VWA8: variants seen among roughly 807,000 people sequenced by gnomAD.
The protein encoded by VWA8 is von Willebrand factor A domain-containing protein 8.
In VWA8, 221 loss-of-function variants were observed where a neutral mutation model predicts 241.5. The ratio of observed to expected loss-of-function variants is 0.91; its 90% CI spans 0.82 to 1.02. The LOEUF (loss-of-function observed/expected upper bound fraction) is 1.02. Ranked by LOEUF, VWA8 falls within the 50% of genes least tolerant of loss-of-function variation. The probability of loss-of-function intolerance (pLI) is 0.00; values close to 1 mark genes in which losing one functional copy is unlikely to be tolerated. For missense variants in VWA8, 2,322 were observed against 2,328.7 expected, an observed-to-expected ratio of 1.00 and a Z score of 0.06; for synonymous variants, 852 against 827.1, an observed-to-expected ratio of 1.03 and a Z score of -0.52.
rs1323782437 is a variant in VWA8 at position 41,843,712 on chromosome 13, CTCTCT to C, written c.1426-10186_1426-10182del. Among the ~76,000 whole-genome samples, 279 of 152,258 alleles carry C rather than the reference CTCTCT, an allele frequency of 1.8e-3. 4 individuals are homozygous for C. Among genetic ancestry groups the C allele is most frequent in the Non-Finnish European group, 1.0e-3 (69 of 68,004 alleles). Reference sequence around the variant, plus strand: ...ATCAATCAATGCCTACTATGAACACCTCTCTGCACACAACTAGAAAATCTAGAGGA... The same window carrying C: ...ATCAATCAATGCCTACTATGAACACCGCACACAACTAGAAAATCTAGAGGA... On this transcript the variant is annotated intron_variant, in intron 12 of 44. Transcript: ENST00000379310.
In VWA8 at chr13:41,596,834, T is replaced by C. The variant is rs1005355892; in HGVS notation, c.4987-6069A>G. On this transcript the variant is annotated intron_variant, in intron 40 of 44. Coordinates refer to ENST00000379310, the MANE Select transcript of VWA8 (RefSeq NM_015058.2). Reference sequence around the variant, plus strand: ...ACACACACACACACACACACACACATCTGTAGCACTAAAGACAGAATAAAT... The same window carrying C: ...ACACACACACACACACACACACACACCTGTAGCACTAAAGACAGAATAAAT... 1.1e-3 allele frequency among the ~76,000 whole-genome samples: 147 copies of C among 132,912 alleles called. 1 individual carries two copies. In the East Asian group the frequency reaches 0.024, roughly 21 times the overall value. 87.2% of individuals were successfully genotyped at this position (132,912 alleles called of 152,430 possible). A position where few individuals can be genotyped will look rare whatever the true frequency, so the allele number is the denominator to read the frequency against.
chr13:41,959,979 T>G (rs1054042012), intron 1 of VWA8, among the ~76,000 whole-genome samples: 3 of 152,154 alleles, frequency 2.0e-5, no homozygotes, highest in African/African-American at 7.2e-5. Flanking sequence ...AAACCTACAA[T>G]TTCATAGTGA....
At chr13:41,915,721 G>C (rs966093141) in intron 2 of VWA8, among the ~76,000 whole-genome samples, 1 of 152,180 alleles carries the variant, frequency 6.6e-6, no homozygotes, top group Non-Finnish European at 1.5e-5. Context: ...GTCTGTAGGA[G>C]TTGTCAGGAT....
chr13:41,956,185 T>C (rs375987414), intron 1 of VWA8, among the ~76,000 whole-genome samples: 2 of 152,204 alleles, frequency 1.3e-5, no homozygotes, highest in South Asian at 4.1e-4. Context: ...ATGGACTGTT[T>C]AGCAGCATCA....
intron 4 of VWA8, among the ~76,000 whole-genome samples, chr13:41,907,259 T>C (rs1238766685): frequency 6.6e-6 from 1 of 152,146 alleles, no homozygotes; most frequent in Admixed American, 6.5e-5. Context: ...TGCTAGAGAA[T>C]CTCCTATATC....
rs577578472 is a variant in VWA8, at chr13:41,642,654, C to G, written c.4612-27570G>C. ...CAAAAAGTCCAAACTTTTGACCAGG[C>G]GTGGTGGCTCACACCCGTAATCCCA... On this transcript the variant is annotated intron_variant, in intron 37 of 44. Coordinates refer to ENST00000379310, the MANE Select transcript of VWA8 (RefSeq NM_015058.2). 7.3e-5 allele frequency among the ~76,000 whole-genome samples: 11 copies of G among 151,598 alleles called. No individual in the cohort carries two copies. The Middle Eastern group carries it at 0.014, about 190-fold the overall frequency.
Position 41,675,275 on chromosome 13 carries a change from G to A in VWA8, c.4349C>T (p.Ser1450Phe). ...YPKDVTPPQT[S>F]GYIEVTDLQS... ...AAGATCAGTGACTTCTATATAACCA[G>A]ATGTTTGTGGAGGAGTAACATCTAC... is the stretch of plus-strand genomic sequence containing the variant. Residue 1450 changes from serine to phenylalanine, a missense_variant, in exon 36 of 45, where the codon TCT becomes TTT. Ser to Phe is a radical substitution (Grantham distance 155). Transcript: ENST00000379310. 1 of 1,612,900 alleles carries A rather than the reference G, an allele frequency of 6.2e-7. No homozygotes were observed. Among genetic ancestry groups the A allele is most frequent in the East Asian group, 2.2e-5 (1 of 44,822 alleles).
chr13:41,627,463 C>A (rs560040330), intron 37 of VWA8, among the ~76,000 whole-genome samples: 1 of 152,070 alleles, frequency 6.6e-6, no homozygotes, highest in African/African-American at 2.4e-5. Context: ...TCGCTAGGGC[C>A]GCTCAGGGAG....
At chr13:41,719,562 G>A (rs371375849) in intron 26 of VWA8, 29 bp downstream of exon 26, 22 of 1,609,514 alleles carry the variant, frequency 1.4e-5, no homozygotes, top group Non-Finnish European at 1.9e-5. Flanking sequence ...CAGCATTTAA[G>A]AATCAGAAGA....
intron 12 of VWA8, among the ~76,000 whole-genome samples, chr13:41,856,579 G>A (rs1420859196): frequency 1.3e-5 from 2 of 152,144 alleles, no homozygotes; most frequent in South Asian, 2.1e-4. Flanking sequence ...CGAACACTTT[G>A]GGAGACCAAG....
intron 37 of VWA8, among the ~76,000 whole-genome samples, chr13:41,664,819 G>A (rs1472935809): frequency 6.6e-6 from 1 of 152,126 alleles, no homozygotes; most frequent in African/African-American, 2.4e-5. Context: ...CTGTGTTTTT[G>A]TTGCTGTTGT....
chr13:41,864,989 CAA>C (rs35515775), intron 12 of VWA8, among the ~76,000 whole-genome samples: 54 of 75,044 alleles, frequency 7.2e-4, no homozygotes, highest in Non-Finnish European at 9.0e-4. Context: ...AACTCCATCT[CAA>C]AAAAAAAAAA....
intron 12 of VWA8, among the ~76,000 whole-genome samples, chr13:41,850,093 A>G (rs916546334): frequency 5.9e-5 from 9 of 152,196 alleles, no homozygotes; most frequent in East Asian, 3.8e-4. Context: ...AATACCTTTC[A>G]GACAGGAGTT....
At chr13:41,805,745 C>T (rs1453569057) in intron 17 of VWA8, among the ~76,000 whole-genome samples, 1 of 151,668 alleles carries the variant, frequency 6.6e-6, no homozygotes, top group South Asian at 2.1e-4. Flanking sequence ...ACCTGGGAGG[C>T]GGAGGTTGCA....
chr13:41,753,409 C>G lies in VWA8; in HGVS notation c.2426+7719G>C, dbSNP rs1292620764. Among the ~76,000 whole-genome samples the G allele has an allele frequency of 3.3e-5, 5 of 152,066 alleles. No homozygotes were observed. In the South Asian group the frequency reaches 1.0e-3, roughly 32 times the overall value. On this transcript the variant is annotated intron_variant, in intron 21 of 44. Transcript: ENST00000379310. Reference sequence around the variant, plus strand: ...ATTTTTAACCAAGGAGGAAATACAGCTACAGAAGTTAACATATTCAAGTGT... The same window carrying G: ...ATTTTTAACCAAGGAGGAAATACAGGTACAGAAGTTAACATATTCAAGTGT...
intron 2 of VWA8, among the ~76,000 whole-genome samples, chr13:41,935,494 T>C (rs1204102993): frequency 4.6e-5 from 7 of 152,146 alleles, no homozygotes; most frequent in Non-Finnish European, 1.0e-4. Flanking sequence ...GAACTTATAA[T>C]AGATGTATAT....
intron 4 of VWA8, among the ~76,000 whole-genome samples, chr13:41,901,885 AAAAAAT>A (rs1390360058): frequency 4.6e-5 from 4 of 86,266 alleles, no homozygotes; most frequent in South Asian, 5.1e-4. Flanking sequence ...AAAAAAAAAA[AAAAAAT>A]ATATATATAT....
chr13:41,651,981 C>T (rs12867601), intron 37 of VWA8, among the ~76,000 whole-genome samples: 1,892 of 152,280 alleles, frequency 0.012, 24 homozygotes, highest in African/African-American at 0.031. Flanking sequence ...GAATTTGCTG[C>T]TAAAATTTCA....
intron 2 of VWA8, among the ~76,000 whole-genome samples, chr13:41,931,167 A>AG (rs1877094603): frequency 2.6e-5 from 4 of 151,176 alleles, no homozygotes; most frequent in African/African-American, 9.7e-5. Context: ...AAAAAAAAAA[A>AG]AAAAAGAATA....
Sources: gnomAD v4.1 joint callset for allele counts (sites outside exome capture counted in the v4.1 genomes callset) on GRCh38, gnomAD v4.1.1 for gene constraint, MANE v1.5 for transcripts, NCBI Gene and HGNC (gene_info 2026-07-23, HGNC 2026-07-21) for gene names.